Variants in SRGAP1 observed in about 807,000 individuals in gnomAD.
SRGAP1 encodes SLIT-ROBO Rho GTPase-activating protein 1.
In SRGAP1, 43 loss-of-function variants were observed where a neutral mutation model predicts 121.9. The ratio of observed to expected loss-of-function variants is 0.35; its 90% CI spans 0.28 to 0.46. The LOEUF (loss-of-function observed/expected upper bound fraction) is 0.46, where lower values mean the gene tolerates loss of function less well. Among genes scored for constraint, SRGAP1 ranks in the 20% least tolerant of loss-of-function variants. The probability of loss-of-function intolerance (pLI) is 1.00; values close to 1 mark genes in which losing one functional copy is unlikely to be tolerated. For missense variants in SRGAP1, 1,102 were observed against 1,350.9 expected (o/e 0.82, Z 2.89); for synonymous variants, 447 against 485.4 (o/e 0.92, Z 1.04).
At chr12:63,938,384 G>C (rs2031742435) in intron 1 of SRGAP1, among the ~76,000 whole-genome samples, 2 of 152,208 alleles carry the variant, frequency 1.3e-5, no homozygotes, top group South Asian at 2.1e-4. Context: ...AGGCTTGCCA[G>C]GGTGTCCGGT....
intron 1 of SRGAP1, among the ~76,000 whole-genome samples, chr12:63,929,322 TATCTACCTTATAAG>T (rs1351635554): frequency 1.3e-5 from 2 of 152,266 alleles, no homozygotes; most frequent in Admixed American, 6.5e-5. Flanking sequence ...ATGAAGTTAG[TATCTACCTTATAAG>T]GTCATTACAA....
chr12:63,881,340 C>T (rs1245316480), intron 1 of SRGAP1, among the ~76,000 whole-genome samples: 1 of 152,136 alleles, frequency 6.6e-6, no homozygotes, highest in African/African-American at 2.4e-5. Flanking sequence ...AGAATTTCAC[C>T]TGCGTAATAA....
At chr12:63,865,434 A>T (rs933191981) in intron 1 of SRGAP1, among the ~76,000 whole-genome samples, 23 of 152,044 alleles carry the variant, frequency 1.5e-4, no homozygotes, top group Admixed American at 1.4e-3. Context: ...CTGCCACTGT[A>T]CTCCAGCCTG....
At chr12:64,104,642 C>T (rs569907797) in intron 15 of SRGAP1, among the ~76,000 whole-genome samples, 1 of 152,322 alleles carries the variant, frequency 6.6e-6, no homozygotes, top group East Asian at 1.9e-4. Flanking sequence ...GTTGAGCAGC[C>T]AGCCAGGTAG....
chr12:63,913,075 T>G (rs1592940159), intron 1 of SRGAP1, among the ~76,000 whole-genome samples: 1 of 151,842 alleles, frequency 6.6e-6, no homozygotes, highest in East Asian at 1.9e-4. Context: ...CCTCTTCTTC[T>G]CCCTCATTAT....
chr12:64,040,497 T>C (rs2034991745), intron 4 of SRGAP1, among the ~76,000 whole-genome samples: 1 of 152,182 alleles, frequency 6.6e-6, no homozygotes, highest in Non-Finnish European at 1.5e-5. Context: ...GATACATCCT[T>C]TGCATTGGAG....
At chr12:63,889,252 T>C (rs1007698463) in intron 1 of SRGAP1, among the ~76,000 whole-genome samples, 9 of 151,984 alleles carry the variant, frequency 5.9e-5, no homozygotes, top group African/African-American at 2.2e-4. Context: ...AGTGATTGGG[T>C]GACAGGGACA....
Position 64,145,519 on chromosome 12 carries a change from C to T in SRGAP1, c.*2847C>T, listed in dbSNP as rs1452181536. The stretch of plus-strand genomic sequence containing the variant: ...TCCCATCACTCACTTTACCTGTCTC[C>T]ATCTTATTTCCCTATACTCCTATTG... On this transcript the variant is annotated 3_prime_UTR_variant, in exon 22 of 22. Coordinates refer to ENST00000355086, the MANE Select transcript of SRGAP1 (RefSeq NM_020762.4). The T allele has an allele frequency of 6.6e-6, 1 of 151,562 alleles. No individual in the cohort carries two copies. The highest frequency in any genetic ancestry group is 1.5e-5 in the Non-Finnish European group (1 of 67,566). 9.4% of individuals were successfully genotyped at this position (151,562 alleles called of 1,614,324 possible). A position where few individuals can be genotyped will look rare whatever the true frequency, so the allele number is the denominator to read the frequency against.
chr12:63,987,442 G>T (rs115544060), intron 2 of SRGAP1, among the ~76,000 whole-genome samples: 2 of 152,288 alleles, frequency 1.3e-5, no homozygotes, highest in South Asian at 4.1e-4. Flanking sequence ...GATACAAAGG[G>T]TCGGGTGCGG....
intron 7 of SRGAP1, 72 bp from the exon 8 acceptor site, chr12:64,065,046 A>G: frequency 9.0e-7 from 1 of 1,106,512 alleles, no homozygotes; most frequent in Non-Finnish European, 1.3e-6. Flanking sequence ...TGCATCATTT[A>G]AATAACAGAG....
At chr12:64,133,065 T>G (rs2036809657) in intron 21 of SRGAP1, among the ~76,000 whole-genome samples, 1 of 152,214 alleles carries the variant, frequency 6.6e-6, no homozygotes, top group Admixed American at 6.5e-5. Context: ...CCACTGTCAT[T>G]CTCCAGAATC....
intron 8 of SRGAP1, among the ~76,000 whole-genome samples, chr12:64,070,955 A>G (rs1229186497): frequency 6.6e-6 from 1 of 152,090 alleles, no homozygotes; most frequent in African/African-American, 2.4e-5. Flanking sequence ...GAAGCCTGAT[A>G]ACCACTTAAG....
chr12:63,954,417 G>A (rs535635928), intron 1 of SRGAP1, among the ~76,000 whole-genome samples: 7 of 152,218 alleles, frequency 4.6e-5, no homozygotes, highest in African/African-American at 1.7e-4. Flanking sequence ...CATGGCTCAC[G>A]CCTGTAATCC....
intron 1 of SRGAP1, among the ~76,000 whole-genome samples, chr12:63,898,176 G>A (rs983174162): frequency 3.9e-5 from 6 of 152,196 alleles, no homozygotes; most frequent in Non-Finnish European, 8.8e-5. Flanking sequence ...TGAGCATGAC[G>A]CAAACTTGCA....
At chr12:64,029,258 T>C (rs2034722044) in intron 4 of SRGAP1, among the ~76,000 whole-genome samples, 1 of 152,226 alleles carries the variant, frequency 6.6e-6, no homozygotes, top group South Asian at 2.1e-4. Flanking sequence ...AGAATTTGTG[T>C]CGTGTCTCTA....
intron 1 of SRGAP1, among the ~76,000 whole-genome samples, chr12:63,941,005 G>C (rs1312938702): frequency 6.6e-6 from 1 of 152,132 alleles, no homozygotes; most frequent in Non-Finnish European, 1.5e-5. Flanking sequence ...GTTCTCTAGA[G>C]ACCGAGTGTC....
chr12:64,047,794 A>G (rs1345833305), intron 6 of SRGAP1, among the ~76,000 whole-genome samples: 1 of 152,162 alleles, frequency 6.6e-6, no homozygotes, highest in Non-Finnish European at 1.5e-5. Context: ...ATTGTAAAAA[A>G]CCAGAAAATA....
At position 64,158,311 on chromosome 12, in the gene SRGAP1, T is replaced by C. The variant is rs1308221932; in HGVS notation, c.*15639T>C. The C allele has an allele frequency of 2.6e-5, 4 of 152,242 alleles. No homozygotes were observed. Among genetic ancestry groups the C allele is most frequent in the African/African-American group, 9.6e-5 (4 of 41,462 alleles). 9.4% of individuals were successfully genotyped at this position (152,242 alleles called of 1,614,324 possible). ...CAAAAACTTAAAAATTTCTCATTTCTGGTTTGTCAGGGATGAAATACTAAA... is the reference window on the plus strand; with the variant it reads ...CAAAAACTTAAAAATTTCTCATTTCCGGTTTGTCAGGGATGAAATACTAAA... On this transcript the variant is annotated 3_prime_UTR_variant, in exon 22 of 22. Coordinates refer to ENST00000355086, the MANE Select transcript of SRGAP1 (RefSeq NM_020762.4).
At chr12:63,952,758 C>T (rs2032338843) in intron 1 of SRGAP1, among the ~76,000 whole-genome samples, 1 of 152,068 alleles carries the variant, frequency 6.6e-6, no homozygotes, top group South Asian at 2.1e-4. Flanking sequence ...TAAACCTAAA[C>T]TAATAGGGAG....
Sources: gnomAD v4.1 joint callset for allele counts (sites outside exome capture counted in the v4.1 genomes callset) on GRCh38, gnomAD v4.1.1 for gene constraint, MANE v1.5 for transcripts, NCBI Gene and HGNC (gene_info 2026-07-23, HGNC 2026-07-21) for gene names.